Variants in CAMSAP1 observed in about 807,000 individuals in gnomAD.
The protein encoded by CAMSAP1 is calmodulin regulated spectrin associated protein 1, also known as calmodulin-regulated spectrin-associated protein 1.
In CAMSAP1, 58 loss-of-function variants were observed where a neutral mutation model predicts 143.5. The observed-to-expected ratio is 0.40, with a 90% CI of 0.33 to 0.50. CAMSAP1 has a LOEUF of 0.50. CAMSAP1 is among the 20% of genes least tolerant of loss of function. CAMSAP1 has a pLI of 0.45. For synonymous variants in CAMSAP1, 945 were observed against 859.3 expected (o/e 1.10, Z -1.74); for missense variants, 1,969 against 2,115.7 (o/e 0.93, Z 1.36).
In CAMSAP1 at chr9:135,820,735, G is replaced by GGAGC. The variant is rs1241904591; in HGVS notation, c.3822+100_3822+103dup. 1.4e-6 allele frequency: 2 copies of GGAGC among 1,440,018 alleles called. No homozygotes were observed. Among genetic ancestry groups the GGAGC allele is most frequent in the African/African-American group, 2.8e-5 (2 of 70,790 alleles). The allele number at this position is 1,440,018 out of a possible 1,614,324, so 89.2% of individuals were successfully genotyped here. The stretch of plus-strand genomic sequence containing the variant: ...CACACACATCCCCTGGCCTCTTACA[G>GGAGC]GAGCGGCTGGCCAGCCTGGTGCAGA... On this transcript the variant is annotated intron_variant, in intron 11 of 16. Transcript: ENST00000389532. This position sits in a 1 kb window ranked among gnomAD's most constrained non-coding sequence, Gnocchi z 4.4.
intron 5 of CAMSAP1, among the ~76,000 whole-genome samples, chr9:135,852,226 C>T (rs980777798): frequency 2.0e-5 from 3 of 152,176 alleles, no homozygotes; most frequent in Non-Finnish European, 2.9e-5. Context: ...ATTGTGGTTA[C>T]GAAAGGACTG....
chr9:135,832,921 G>A (rs1227863254), intron 7 of CAMSAP1, among the ~76,000 whole-genome samples: 1 of 152,046 alleles, frequency 6.6e-6, no homozygotes, highest in East Asian at 1.9e-4. Flanking sequence ...CATATTCACG[G>A]ATTGACATAA....
In CAMSAP1 at chr9:135,892,252, G is replaced by A. The variant is rs114935933; in HGVS notation, c.161-9174C>T. Among the ~76,000 whole-genome samples the A allele has an allele frequency of 6.2e-3, 945 of 152,190 alleles. 4 individuals carry two copies. The highest frequency in any genetic ancestry group is 0.021 in the African/African-American group (881 of 41,502). ...CTGAAGACCAAAGGTGACGAAACAGGCCCGCAGGACCCCACAACTTGAGGT... is the reference window on the plus strand; with the variant it reads ...CTGAAGACCAAAGGTGACGAAACAGACCCGCAGGACCCCACAACTTGAGGT... On this transcript the variant is annotated intron_variant, in intron 1 of 16. Coordinates refer to ENST00000389532, the MANE Select transcript of CAMSAP1 (RefSeq NM_015447.4).
intron 3 of CAMSAP1, among the ~76,000 whole-genome samples, chr9:135,871,264 T>C (rs868057593): frequency 1.1e-4 from 17 of 152,136 alleles, no homozygotes; most frequent in East Asian, 3.9e-4. Context: ...TCACGGCTCA[T>C]TGCAGCCTCA....
rs958705893 is a variant in CAMSAP1 at position 135,818,806 on chromosome 9, G to A, written c.3960-190C>T. Among the ~76,000 whole-genome samples the A allele has an allele frequency of 2.0e-5, 3 of 152,228 alleles. No individual in the cohort carries two copies. The South Asian group carries it at 6.2e-4, about 32-fold the overall frequency. On this transcript the variant is annotated intron_variant, in intron 12 of 16. Transcript: ENST00000389532. The surrounding 1 kb of genome is among the most constrained non-coding windows in gnomAD (Gnocchi z 7.7). ...GCAGATGACCCACCGAGGCCACACA[G>A]CCTCCCTGGCCACCGGCAACGCACG...
rs2130940907 is a variant in CAMSAP1, at chr9:135,865,429, CG to C, written c.666+1026del. On this transcript the variant is annotated intron_variant, in intron 4 of 16. Transcript: ENST00000389532. The stretch of plus-strand genomic sequence containing the variant: ...TCAGCAGAGCAGGTCCACGTGTGGA[CG>C]AGGTAACACACACTTCCCCACGGCG... 3 of 1,477,246 alleles carry C rather than the reference CG, an allele frequency of 2.0e-6. No homozygotes were observed. The East Asian group carries it at 7.4e-5, about 36-fold the overall frequency. The allele number at this position is 1,477,246 out of a possible 1,614,324, so 91.5% of individuals were successfully genotyped here.
chr9:135,819,222 C>A (rs1588441938), intron 11 of CAMSAP1, 76 bp from the exon 12 acceptor site: 1 of 1,494,248 alleles, frequency 6.7e-7, no homozygotes, highest in Non-Finnish European at 8.9e-7. Flanking sequence ...GACCCAGCAG[C>A]CGACTTCCAC....
chr9:135,900,556 G>A (rs1483309270), intron 1 of CAMSAP1, among the ~76,000 whole-genome samples: 2 of 151,644 alleles, frequency 1.3e-5, no homozygotes, highest in African/African-American at 4.8e-5. Flanking sequence ...TTAGCCGGGC[G>A]TTGTGGCAAG....
At chr9:135,830,262 T>C (rs368261618) in intron 7 of CAMSAP1, among the ~76,000 whole-genome samples, 6 of 152,286 alleles carry the variant, frequency 3.9e-5, no homozygotes, top group African/African-American at 1.2e-4. Flanking sequence ...AATCAAAAGA[T>C]AGAGAGTAGC....
intron 14 of CAMSAP1, among the ~76,000 whole-genome samples, chr9:135,816,627 C>T (rs900440944): frequency 5.9e-5 from 9 of 152,268 alleles, no homozygotes; most frequent in African/African-American, 1.9e-4. Context: ...GAACAAAAAC[C>T]CAAACAGAAT....
Position 135,907,103 on chromosome 9 carries a change from CG to C in CAMSAP1, c.56del (p.Pro19ArgfsTer78). ...GCACGAGGTCGGCGGCGCCGTCCGG[CG>C]GGGCCTCCATCTTCCTCCAGCCCTC... is the stretch of plus-strand genomic sequence containing the variant. ...AAEGWRKMEA[P>X]PDGAADLVPL... On this transcript the variant is annotated frameshift_variant, in exon 1 of 17. Transcript: ENST00000389532. LOFTEE classifies it high-confidence loss of function. The C allele has an allele frequency of 3.5e-6, 4 of 1,141,372 alleles. No homozygotes were observed. The highest frequency in any genetic ancestry group is 4.2e-5 in the East Asian group (1 of 23,634). 70.7% of individuals were successfully genotyped at this position (1,141,372 alleles called of 1,614,324 possible). A position where few individuals can be genotyped will look rare whatever the true frequency, so the allele number is the denominator to read the frequency against.
intron 7 of CAMSAP1, among the ~76,000 whole-genome samples, chr9:135,835,890 G>C (rs375712182): frequency 6.6e-6 from 1 of 152,214 alleles, no homozygotes; most frequent in Non-Finnish European, 1.5e-5. Flanking sequence ...TGAGGCAGGA[G>C]AATCACTTGA....
chr9:135,843,873 CAAAA>C (rs150201026), intron 7 of CAMSAP1, among the ~76,000 whole-genome samples: 97 of 63,936 alleles, frequency 1.5e-3, no homozygotes, highest in African/African-American at 5.3e-3. Flanking sequence ...GACTCCGTCT[CAAAA>C]AAAAAAAAAA....
rs775014844 is a variant in CAMSAP1 at position 135,818,666 on chromosome 9, C to G, written c.3960-50G>C. The G allele has an allele frequency of 3.8e-6, 6 of 1,588,370 alleles. No homozygotes were observed. The South Asian group carries it at 5.6e-5, about 15-fold the overall frequency. ...CTGCTCGGTCACGGGGCTTCTTCCA[C>G]GACGCCTGCGCCGCGGCGCTCTGTC... is the stretch of plus-strand genomic sequence containing the variant. On this transcript the variant is annotated intron_variant, in intron 12 of 16. Transcript: ENST00000389532. The surrounding 1 kb of genome is among the most constrained non-coding windows in gnomAD (Gnocchi z 7.7).
At position 135,818,911 on chromosome 9, in the gene CAMSAP1, TTGCCATGGTCCATGCTCAG is replaced by T; in HGVS notation, c.3959+80_3959+98del. ...GGAGTAAGACCGTCACAGGCACTCA[TTGCCATGGTCCATGCTCAG>T]TGCCAGCAACGGGACCGGGGCCGCC... is the stretch of plus-strand genomic sequence containing the variant. On this transcript the variant is annotated intron_variant, in intron 12 of 16. Transcript: ENST00000389532. This position sits in a 1 kb window ranked among gnomAD's most constrained non-coding sequence, Gnocchi z 7.7. 6.6e-7 allele frequency: 1 copy of T among 1,510,516 alleles called. No homozygotes were observed. The highest frequency in any genetic ancestry group is 8.9e-7 in the Non-Finnish European group (1 of 1,125,456). 93.6% of individuals were successfully genotyped at this position (1,510,516 alleles called of 1,614,324 possible).
chr9:135,858,004 G>GC (rs1837038772), intron 5 of CAMSAP1, among the ~76,000 whole-genome samples: 1 of 152,180 alleles, frequency 6.6e-6, no homozygotes, highest in South Asian at 2.1e-4. Context: ...GTGAACCTGA[G>GC]CTCTCATTGC....
chr9:135,872,005 C>A (rs537915168), intron 3 of CAMSAP1, among the ~76,000 whole-genome samples: 2 of 151,776 alleles, frequency 1.3e-5, no homozygotes, highest in South Asian at 4.2e-4. Flanking sequence ...GGGAGGCTGG[C>A]AGGAGAATCA....
At chr9:135,817,504 A>G (rs1347694562) in intron 14 of CAMSAP1, among the ~76,000 whole-genome samples, 1 of 151,574 alleles carries the variant, frequency 6.6e-6, no homozygotes, top group South Asian at 2.1e-4. Flanking sequence ...CGATACTACC[A>G]CCTCAGCCTC....
intron 1 of CAMSAP1, among the ~76,000 whole-genome samples, chr9:135,886,513 T>C (rs984932530): frequency 3.3e-5 from 5 of 152,148 alleles, no homozygotes; most frequent in Admixed American, 6.5e-5. Context: ...CAGTTCAGAA[T>C]TGCGCGGAAG....
Sources: allele counts gnomAD v4.1 joint callset (sites outside exome capture counted in the v4.1 genomes callset), GRCh38; gene constraint gnomAD v4.1.1; non-coding constraint Gnocchi (gnomAD v3.1); transcripts MANE v1.5; gene names NCBI Gene and HGNC (gene_info 2026-07-23, HGNC 2026-07-21).